ARHGAP31: variants seen among roughly 807,000 people sequenced by gnomAD.
ARHGAP31 encodes rho GTPase-activating protein 31.
Under a neutral mutation model 113.9 loss-of-function variants are expected in ARHGAP31, and 34 were observed. The ratio of observed to expected loss-of-function variants is 0.30; its 90% CI spans 0.23 to 0.40. The LOEUF is 0.40. Ranked by LOEUF, ARHGAP31 falls within the 10% of genes least tolerant of loss-of-function variation. The pLI, the probability that ARHGAP31 is intolerant of heterozygous loss-of-function variation, is 1.00. For synonymous variants in ARHGAP31, 650 were observed against 684.8 expected, an observed-to-expected ratio of 0.95 and a Z score of 0.79; for missense variants, 1,548 against 1,767.1, an observed-to-expected ratio of 0.88 and a Z score of 2.22.
chr3:119,395,384 G>A (rs1001674), intron 8 of ARHGAP31, among the ~76,000 whole-genome samples: 3 of 152,114 alleles, frequency 2.0e-5, no homozygotes, highest in Admixed American at 2.0e-4. Context: ...TAGAGGGAAG[G>A]CTTCAGGGGG....
chr3:119,390,759 A>G, intron 6 of ARHGAP31, 26 bp from the exon 7 acceptor site: 2 of 1,608,936 alleles, frequency 1.2e-6, no homozygotes, highest in Non-Finnish European at 8.5e-7. Context: ...CTCCTCCAAC[A>G]CTGAGCTCTT....
chr3:119,324,088 G>A (rs1048763257), intron 1 of ARHGAP31, among the ~76,000 whole-genome samples: 2 of 150,260 alleles, frequency 1.3e-5, no homozygotes, highest in Non-Finnish European at 3.0e-5. Flanking sequence ...GCTCTACACC[G>A]AAGGGGTGAA....
intron 1 of ARHGAP31, among the ~76,000 whole-genome samples, chr3:119,332,623 TCTCTCTCTCTCTCACACACACACA>T (rs2079903397): frequency 2.5e-5 from 3 of 118,836 alleles, no homozygotes; most frequent in African/African-American, 1.1e-4. Flanking sequence ...TCTCTCTCTC[TCTCTCTCTCTCTCACACACACACA>T]CACACACACA....
At chr3:119,341,263 A>G (rs2080005535) in intron 1 of ARHGAP31, among the ~76,000 whole-genome samples, 1 of 152,216 alleles carries the variant, frequency 6.6e-6, no homozygotes, top group Admixed American at 6.5e-5. Context: ...GGGTGCATCC[A>G]ACTGAGGAAG....
chr3:119,332,631 TCTCTCACACACACACACACACA>T (rs2079904388), intron 1 of ARHGAP31, among the ~76,000 whole-genome samples: 3 of 115,302 alleles, frequency 2.6e-5, no homozygotes, highest in African/African-American at 3.6e-5. Flanking sequence ...TCTCTCTCTC[TCTCTCACACACACACACACACA>T]CACACACACA....
chr3:119,381,813 C>T (rs530102448), intron 4 of ARHGAP31, among the ~76,000 whole-genome samples: 113 of 152,110 alleles, frequency 7.4e-4, no homozygotes, highest in East Asian at 5.0e-3. Context: ...GGTGAAACCC[C>T]GTCTCTACCA....
At chr3:119,371,036 C>A (rs112276845) in intron 3 of ARHGAP31, among the ~76,000 whole-genome samples, 2,611 of 152,148 alleles carry the variant, frequency 0.017, 46 homozygotes, top group East Asian at 0.061. Context: ...AAAAATAATA[C>A]CTTATTGTTG....
intron 6 of ARHGAP31, among the ~76,000 whole-genome samples, chr3:119,384,571 C>T (rs1193090547): frequency 6.6e-6 from 1 of 152,098 alleles, no homozygotes; most frequent in Non-Finnish European, 1.5e-5. Context: ...GATGGAAAGT[C>T]AAGAGAGTGT....
chr3:119,399,301 C>G (rs2080579498), intron 9 of ARHGAP31, 40 bp downstream of exon 9: 1 of 1,551,612 alleles, frequency 6.4e-7, no homozygotes, highest in Admixed American at 1.7e-5. Context: ...GAGATTACAA[C>G]TAGGAGGCTG....
intron 8 of ARHGAP31, among the ~76,000 whole-genome samples, chr3:119,398,091 A>T (rs2080567496): frequency 6.6e-6 from 1 of 152,022 alleles, no homozygotes; most frequent in East Asian, 1.9e-4. Context: ...ACACAGTGAG[A>T]CCCTGTTTCT....
chr3:119,328,661 G>A (rs962633848), intron 1 of ARHGAP31, among the ~76,000 whole-genome samples: 1 of 150,604 alleles, frequency 6.6e-6, no homozygotes, highest in African/African-American at 2.4e-5. Context: ...TTTTTTCTGA[G>A]ACAGAGTCTC....
At chr3:119,318,727 A>G (rs975746139) in intron 1 of ARHGAP31, among the ~76,000 whole-genome samples, 2 of 152,240 alleles carry the variant, frequency 1.3e-5, no homozygotes, top group Non-Finnish European at 2.9e-5. Context: ...TTAATACTGT[A>G]GAATTAGTCT....
rs1340200674 is a variant in ARHGAP31 at position 119,418,452 on chromosome 3, A to G, written c.*2188A>G. 1 of 152,242 alleles carries G rather than the reference A, an allele frequency of 6.6e-6. No individual in the cohort carries two copies. Among genetic ancestry groups the G allele is most frequent in the Non-Finnish European group, 1.5e-5 (1 of 68,044 alleles). The allele number at this position is 152,242 out of a possible 1,614,324, so 9.4% of individuals were successfully genotyped here. On this transcript the variant is annotated 3_prime_UTR_variant, in exon 12 of 12. Transcript: ENST00000264245. ...GTGCTCCTGCGGTGTCGACGCTCTG[A>G]TAAGGACCATGTTCCAGTTAGAATG...
chr3:119,370,759 T>C (rs2080290995), intron 3 of ARHGAP31, among the ~76,000 whole-genome samples: 1 of 152,218 alleles, frequency 6.6e-6, no homozygotes, highest in African/African-American at 2.4e-5. Flanking sequence ...CTGATGGATA[T>C]TTAGCTTTTT....
intron 1 of ARHGAP31, among the ~76,000 whole-genome samples, chr3:119,336,434 A>G (rs1209468226): frequency 6.6e-6 from 1 of 152,148 alleles, no homozygotes; most frequent in Non-Finnish European, 1.5e-5. Flanking sequence ...ACCATCATGC[A>G]GCAGCGGGAG....
intron 1 of ARHGAP31, among the ~76,000 whole-genome samples, chr3:119,318,134 G>A (rs1385626977): frequency 6.6e-6 from 1 of 152,102 alleles, no homozygotes; most frequent in Non-Finnish European, 1.5e-5. Flanking sequence ...GCTGGGCATG[G>A]TGGCTCATGC....
intron 2 of ARHGAP31, among the ~76,000 whole-genome samples, chr3:119,366,411 A>T (rs1416703059): frequency 6.6e-6 from 1 of 152,058 alleles, no homozygotes; most frequent in Non-Finnish European, 1.5e-5. Context: ...AAATTATACC[A>T]AAAAAATAGA....
In ARHGAP31 at chr3:119,399,223, C is replaced by G; in HGVS notation, c.1031C>G (p.Ala344Gly). 1.9e-6 allele frequency: 3 copies of G among 1,613,720 alleles called. No individual in the cohort carries two copies. The highest frequency in any genetic ancestry group is 1.1e-5 in the South Asian group (1 of 91,058). The part of the protein sequence containing the change: ...LSVEKATIRP[A>G]KSMDSLCSVP... ...GTGGAAAAGGCTACTATCCGACCAG[C>G]TAAAAGCATGGACTCACTATGTTCA... The change falls in exon 9 of 12, where the codon GCT becomes GGT. Residue 344 changes from alanine (A) to glycine (G), a missense_variant. Physicochemically the swap from Ala to Gly is moderately conservative, Grantham distance 60 (BLOSUM62 0). Coordinates refer to ENST00000264245, the MANE Select transcript of ARHGAP31 (RefSeq NM_020754.4).
chr3:119,297,997 C>A (rs2079548303), intron 1 of ARHGAP31, among the ~76,000 whole-genome samples: 1 of 152,024 alleles, frequency 6.6e-6, no homozygotes, highest in Non-Finnish European at 1.5e-5. Flanking sequence ...TCAGACCCTG[C>A]TGTGATCACC....
Sources: allele counts gnomAD v4.1 joint callset (sites outside exome capture counted in the v4.1 genomes callset), GRCh38; gene constraint gnomAD v4.1.1; transcripts MANE v1.5; gene names NCBI Gene and HGNC (gene_info 2026-07-23, HGNC 2026-07-21).